Variants in IL31RA observed in about 807,000 individuals in gnomAD.
IL31RA encodes interleukin-31 receptor subunit alpha.
A neutral mutation model predicts 83.7 loss-of-function variants in IL31RA; 66 were observed. The observed-to-expected ratio is 0.79, with a 90% CI of 0.65 to 0.97. The LOEUF is 0.97. IL31RA is among the 50% of genes least tolerant of loss of function. The probability of loss-of-function intolerance (pLI) is 0.00; values close to 1 mark genes in which losing one functional copy is unlikely to be tolerated. For synonymous variants in IL31RA, 325 were observed against 329.0 expected, an observed-to-expected ratio of 0.99 and a Z score of 0.13; for missense variants, 798 against 919.4, an observed-to-expected ratio of 0.87 and a Z score of 1.71.
chr5:55,913,434 G>A, intron 12 of IL31RA, 43 bp from the exon 13 acceptor site: 1 of 1,212,062 alleles, frequency 8.3e-7, no homozygotes, highest in Admixed American at 1.7e-5. Context: ...TTGTCAAGAA[G>A]GTGAGGAACT....
Position 55,921,558 on chromosome 5 carries a change from G to A in IL31RA, c.*4438G>A, listed in dbSNP as rs185222167. ...GAATTTTATGGTTGTCACATTTTGCGTGACTGTGTCCCATCAAAGGTTATG... is the reference window on the plus strand; with the variant it reads ...GAATTTTATGGTTGTCACATTTTGCATGACTGTGTCCCATCAAAGGTTATG... On this transcript the variant is annotated 3_prime_UTR_variant, in exon 15 of 15. Coordinates refer to ENST00000652347, the MANE Select transcript of IL31RA (RefSeq NM_139017.7). Among the ~76,000 whole-genome samples, 838 of 152,280 alleles carry A rather than the reference G, an allele frequency of 5.5e-3. 5 individuals carry two copies. Among genetic ancestry groups the A allele is most frequent in the Middle Eastern group, 0.031 (9 of 294 alleles).
At chr5:55,861,613 G>A (rs566576468) in intron 2 of IL31RA, among the ~76,000 whole-genome samples, 5 of 152,286 alleles carry the variant, frequency 3.3e-5, no homozygotes, top group East Asian at 3.9e-4. Flanking sequence ...GGACTGCTGT[G>A]ATAGAAAATA....
In IL31RA at chr5:55,883,136, C is replaced by T; in HGVS notation, c.547C>T (p.Pro183Ser). The T allele has an allele frequency of 1.1e-5, 18 of 1,614,006 alleles. No individual in the cohort carries two copies. The highest frequency in any genetic ancestry group is 1.4e-5 in the Non-Finnish European group (17 of 1,179,914). The change falls in exon 5 of 15, where the codon CCT becomes TCT. Residue 183 changes from proline (P) to serine (S), a missense_variant. Pro to Ser is a moderately conservative substitution (Grantham distance 74). Coordinates refer to ENST00000652347, the MANE Select transcript of IL31RA (RefSeq NM_139017.7). ...TGAATGGATAAAGCCTGAGTTGGCG[C>T]CTGTTTCATCTGATTTAAAATACAC... ...QIEWIKPELA[P>S]VSSDLKYTLR... is the part of the protein sequence containing the mutation.
rs1377563962 is a variant in IL31RA, at chr5:55,917,742, C to T, written c.*622C>T. ...ACACCGCACCTGAGAATCCTCACCCCCAATTTAGACTGCATTGACTACTAA... is the reference window on the plus strand; with the variant it reads ...ACACCGCACCTGAGAATCCTCACCCTCAATTTAGACTGCATTGACTACTAA... On this transcript the variant is annotated 3_prime_UTR_variant, in exon 15 of 15. Transcript: ENST00000652347. 6.6e-6 allele frequency among the ~76,000 whole-genome samples: 1 copy of T among 151,788 alleles called. No individual in the cohort carries two copies. Among genetic ancestry groups the T allele is most frequent in the Non-Finnish European group, 1.5e-5 (1 of 68,038 alleles).
chr5:55,892,567 G>A (rs766899464), intron 6 of IL31RA, among the ~76,000 whole-genome samples: 2 of 152,214 alleles, frequency 1.3e-5, no homozygotes, highest in Admixed American at 6.5e-5. Context: ...AGATGTTCAT[G>A]CAGTATCATT....
chr5:55,879,709 C>A (rs962362209), intron 4 of IL31RA, among the ~76,000 whole-genome samples: 1 of 149,138 alleles, frequency 6.7e-6, no homozygotes, highest in African/African-American at 2.5e-5. Flanking sequence ...GGATTACAGG[C>A]ATGAGCCTCC....
intron 6 of IL31RA, among the ~76,000 whole-genome samples, chr5:55,895,662 ACT>A (rs1748288171): frequency 2.6e-5 from 4 of 152,034 alleles, no homozygotes; most frequent in Admixed American, 2.6e-4. Flanking sequence ...CTTTTACGTT[ACT>A]CTCTGTCCTT....
At chr5:55,841,956 A>AT in the IL31RA span, among the ~76,000 whole-genome samples, 9 of 149,462 alleles carry the variant, frequency 6.0e-5, no homozygotes, top group African/African-American at 2.2e-4. Context: ...AAAAAAAAAA[A>AT]TTTTTTTAAG....
At chr5:55,910,709 C>T (rs1749453538) in intron 12 of IL31RA, 37 bp downstream of exon 12, 1 of 1,609,510 alleles carries the variant, frequency 6.2e-7, no homozygotes, top group African/African-American at 1.3e-5. Flanking sequence ...ACCTCTCCCT[C>T]ACGTTTACCT....
chr5:55,887,856 C>T (rs1747728275), intron 5 of IL31RA, among the ~76,000 whole-genome samples: 1 of 151,348 alleles, frequency 6.6e-6, no homozygotes, highest in African/African-American at 2.4e-5. Flanking sequence ...GTACTCCAGC[C>T]TGGGTGACAG....
At chr5:55,844,312 A>G in the IL31RA span, among the ~76,000 whole-genome samples, 1 of 152,242 alleles carries the variant, frequency 6.6e-6, no homozygotes, top group Non-Finnish European at 1.5e-5. Context: ...TGTTGCCGGT[A>G]GACCTGCCTT....
the IL31RA span, among the ~76,000 whole-genome samples, chr5:55,842,949 C>T: frequency 9.2e-5 from 14 of 152,170 alleles, no homozygotes; most frequent in South Asian, 6.2e-4. Context: ...AGCTCTGCCC[C>T]GTCTTTCCTG....
At chr5:55,840,771 T>C in the IL31RA span, among the ~76,000 whole-genome samples, 1 of 152,228 alleles carries the variant, frequency 6.6e-6, no homozygotes, top group Non-Finnish European at 1.5e-5. Flanking sequence ...TGGGCAGCTG[T>C]CTCTGAACTT....
the IL31RA span, chr5:55,840,101 C>G: frequency 6.1e-6 from 2 of 328,954 alleles, no homozygotes; most frequent in South Asian, 6.6e-5. Context: ...TGGCCCACTT[C>G]TTAATTATTT....
At chr5:55,864,435 TACAC>T (rs925495779) in intron 2 of IL31RA, among the ~76,000 whole-genome samples, 14 of 123,716 alleles carry the variant, frequency 1.1e-4, no homozygotes, top group African/African-American at 3.5e-4. Flanking sequence ...CACCCCACAC[TACAC>T]ACACACACCA....
At chr5:55,868,494 T>A (rs536323870) in intron 2 of IL31RA, among the ~76,000 whole-genome samples, 4 of 152,246 alleles carry the variant, frequency 2.6e-5, no homozygotes, top group Non-Finnish European at 5.9e-5. Flanking sequence ...ATATCACAAA[T>A]ACTTTGTATG....
rs1298540466 is a variant in IL31RA, at chr5:55,903,437, T to C, written c.1070-2669T>C. ...TTTGGAGTAATTGCTCAGAAAGCTCTTGTTGAATGATGGAAGGACCCGGCG... is the reference window on the plus strand; with the variant it reads ...TTTGGAGTAATTGCTCAGAAAGCTCCTGTTGAATGATGGAAGGACCCGGCG... On this transcript the variant is annotated intron_variant, in intron 8 of 14. Coordinates refer to ENST00000652347, the MANE Select transcript of IL31RA (RefSeq NM_139017.7). The surrounding 1 kb of genome is among the most constrained non-coding windows in gnomAD (Gnocchi z 4.7). Among the ~76,000 whole-genome samples the C allele has an allele frequency of 6.6e-6, 1 of 152,236 alleles. No homozygotes were observed. Among genetic ancestry groups the C allele is most frequent in the East Asian group, 1.9e-4 (1 of 5,196 alleles).
rs1473888272 is a variant in IL31RA, at chr5:55,907,385, A to G, written c.1279A>G (p.Asn427Asp). The change falls in exon 10 of 15, where the codon AAC becomes GAC. Residue 427 changes from asparagine to aspartate, a missense_variant. Physicochemically the swap from Asn to Asp is conservative, Grantham distance 23 (BLOSUM62 1). Coordinates refer to ENST00000652347, the MANE Select transcript of IL31RA (RefSeq NM_139017.7). ...TAAATTAAAACCTTTCTGGTGCTAT[A>G]ACATCTCTGTGTATCCAATGTTGCA... The part of the protein sequence containing the change: ...QDKLKPFWCY[N>D]ISVYPMLHDK... 6.2e-7 allele frequency: 1 copy of G among 1,613,380 alleles called. No individual in the cohort carries two copies. The highest frequency in any genetic ancestry group is 1.3e-5 in the African/African-American group (1 of 74,904).
chr5:55,899,772 A>G, intron 7 of IL31RA, 144 bp from the exon 8 acceptor site: 1 of 691,462 alleles, frequency 1.4e-6, no homozygotes, highest in East Asian at 2.7e-5. Flanking sequence ...GATCTTATTC[A>G]TCCCTGGAGG....
Sources: allele counts gnomAD v4.1 joint callset (sites outside exome capture counted in the v4.1 genomes callset), GRCh38; gene constraint gnomAD v4.1.1; non-coding constraint Gnocchi (gnomAD v3.1); transcripts MANE v1.5; gene names NCBI Gene and HGNC (gene_info 2026-07-23, HGNC 2026-07-21).